Variants in TASP1 observed in about 807,000 individuals in gnomAD.
TASP1 encodes threonine aspartase 1.
In TASP1, 16 loss-of-function variants were observed where a neutral mutation model predicts 56.6. That is an observed-to-expected ratio of 0.28 (90% CI 0.19 to 0.43). The LOEUF (loss-of-function observed/expected upper bound fraction) is 0.43, where lower values mean the gene tolerates loss of function less well. Ranked by LOEUF, TASP1 falls within the 20% of genes least tolerant of loss-of-function variation. The pLI, the probability that TASP1 is intolerant of heterozygous loss-of-function variation, is 1.00. For synonymous variants in TASP1, 179 were observed against 184.2 expected, an observed-to-expected ratio of 0.97 and a Z score of 0.23; for missense variants, 393 against 511.6, an observed-to-expected ratio of 0.77 and a Z score of 2.24.
chr20:13,348,877 G>C, the TASP1 span, among the ~76,000 whole-genome samples: 1 of 152,082 alleles, frequency 6.6e-6, no homozygotes, highest in African/African-American at 2.4e-5. Flanking sequence ...TGGATCCACA[G>C]CCAATCAAGC....
rs1348397896 is a variant in TASP1, at chr20:13,535,777, C to A, written c.676-1636G>T. ...AATAGTGAGTAACATGCAATGCCAT[C>A]CCAATGTCAGGGCCAGTTTTCTACC... On this transcript the variant is annotated intron_variant, in intron 8 of 13. Transcript: ENST00000337743. Among the ~76,000 whole-genome samples, 9 of 152,082 alleles carry A rather than the reference C, an allele frequency of 5.9e-5. No individual in the cohort carries two copies. The South Asian group carries it at 1.9e-3, about 32-fold the overall frequency.
chr20:13,290,087 A>G, the TASP1 span, among the ~76,000 whole-genome samples: 1 of 152,204 alleles, frequency 6.6e-6, no homozygotes, highest in Admixed American at 6.5e-5. Context: ...ACAGGGCTGA[A>G]ATGCAAGAAG....
the TASP1 span, among the ~76,000 whole-genome samples, chr20:13,196,956 A>G: frequency 2.6e-5 from 4 of 152,202 alleles, no homozygotes; most frequent in Non-Finnish European, 4.4e-5. Flanking sequence ...TTTTCAGCCA[A>G]GTTTACTCTG....
the TASP1 span, among the ~76,000 whole-genome samples, chr20:13,267,448 G>A: frequency 1.3e-5 from 2 of 152,120 alleles, no homozygotes; most frequent in Non-Finnish European, 2.9e-5. Flanking sequence ...TGACCCTAAC[G>A]CGACACTTCC....
chr20:13,609,735 G>T (rs2048286194), intron 4 of TASP1, among the ~76,000 whole-genome samples: 3 of 146,862 alleles, frequency 2.0e-5, no homozygotes. Context: ...ATTACCATAT[G>T]ACCCAGCAAT....
At chr20:13,557,878 G>C (rs1018080368) in intron 8 of TASP1, among the ~76,000 whole-genome samples, 3 of 151,980 alleles carry the variant, frequency 2.0e-5, no homozygotes, top group Admixed American at 1.3e-4. Flanking sequence ...GGCCTATCAT[G>C]AATTTTTAAA....
chr20:13,342,366 T>C, the TASP1 span, among the ~76,000 whole-genome samples: 4 of 152,208 alleles, frequency 2.6e-5, no homozygotes, highest in Non-Finnish European at 4.4e-5. Context: ...CTGTCTGCCA[T>C]GTGTATTAAG....
At chr20:13,377,107 CTG>C in the TASP1 span, among the ~76,000 whole-genome samples, 1 of 152,290 alleles carries the variant, frequency 6.6e-6, no homozygotes, top group South Asian at 2.1e-4. Flanking sequence ...ACTTCCAACC[CTG>C]TGTTGAAAAG....
At chr20:13,479,887 G>A (rs934107795) in intron 11 of TASP1, among the ~76,000 whole-genome samples, 37 of 152,112 alleles carry the variant, frequency 2.4e-4, no homozygotes, top group African/African-American at 7.7e-4. Context: ...GAAACCATCC[G>A]TATTTGCCCC....
chr20:13,119,703 T>C, the TASP1 span, among the ~76,000 whole-genome samples: 1 of 152,180 alleles, frequency 6.6e-6, no homozygotes. Flanking sequence ...TACCACTAGA[T>C]GGCAGCAAGA....
chr20:13,362,800 T>C, the TASP1 span, among the ~76,000 whole-genome samples: 1 of 134,446 alleles, frequency 7.4e-6, no homozygotes. Context: ...GGGTGTGAAA[T>C]AGCAAGAAAT....
At chr20:13,148,904 C>G in the TASP1 span, among the ~76,000 whole-genome samples, 2 of 152,184 alleles carry the variant, frequency 1.3e-5, no homozygotes, top group Non-Finnish European at 2.9e-5. Flanking sequence ...CTACTAAATG[C>G]CAGATGCAGT....
chr20:13,323,842 T>A, the TASP1 span, among the ~76,000 whole-genome samples: 80 of 152,332 alleles, frequency 5.3e-4, no homozygotes, highest in Middle Eastern at 3.4e-3. Context: ...AATCATTGGT[T>A]TATTCTTTCA....
chr20:13,393,804 C>A (rs2041388125), intron 13 of TASP1: 1 of 566,752 alleles, frequency 1.8e-6, no homozygotes, highest in Non-Finnish European at 3.2e-6. Context: ...TCCATGCAGA[C>A]ACCCTGAAGA....
the TASP1 span, among the ~76,000 whole-genome samples, chr20:13,280,365 C>T: frequency 1.1e-5 from 1 of 90,622 alleles, no homozygotes; most frequent in African/African-American, 4.7e-5. Flanking sequence ...CCCACATGAA[C>T]GTGTGTGTCT....
At chr20:13,439,102 T>G (rs1454792713) in intron 11 of TASP1, among the ~76,000 whole-genome samples, 1 of 152,176 alleles carries the variant, frequency 6.6e-6, no homozygotes, top group African/African-American at 2.4e-5. Flanking sequence ...GTGTGGCGAT[T>G]CCTCAGGGAT....
In TASP1 at chr20:13,390,225, T is replaced by G; in HGVS notation, c.*135A>C. Reference sequence around the variant, plus strand: ...ACTAAGCGCTAACTACAGCAGCACTTGTGTCTCGAGCAGTGCACGAGGTTG... The same window carrying G: ...ACTAAGCGCTAACTACAGCAGCACTGGTGTCTCGAGCAGTGCACGAGGTTG... On this transcript the variant is annotated 3_prime_UTR_variant, in exon 14 of 14. Transcript: ENST00000337743. 1.3e-6 allele frequency: 1 copy of G among 746,602 alleles called. No homozygotes were observed. The highest frequency in any genetic ancestry group is 2.2e-6 in the Non-Finnish European group (1 of 458,814). 46.2% of individuals were successfully genotyped at this position (746,602 alleles called of 1,614,324 possible).
At chr20:13,242,580 A>G in the TASP1 span, among the ~76,000 whole-genome samples, 1,107 of 152,300 alleles carry the variant, frequency 7.3e-3, 10 homozygotes, top group Middle Eastern at 0.014. Flanking sequence ...AGATGTGTAG[A>G]ATGGAGAGCC....
the TASP1 span, among the ~76,000 whole-genome samples, chr20:13,362,827 A>ATATATATATTTATATATATT: frequency 1.5e-4 from 16 of 106,954 alleles, 2 homozygotes; most frequent in Non-Finnish European, 1.1e-4. Flanking sequence ...ATATATATAT[A>ATATATATATTTATATATATT]TATATATATA....
Sources: gnomAD v4.1 joint callset for allele counts (sites outside exome capture counted in the v4.1 genomes callset) on GRCh38, gnomAD v4.1.1 for gene constraint, MANE v1.5 for transcripts, NCBI Gene and HGNC (gene_info 2026-07-23, HGNC 2026-07-21) for gene names.